Variants in SMG1 observed in about 807,000 individuals in gnomAD.
SMG1 encodes serine/threonine-protein kinase SMG1.
A neutral mutation model predicts 419.9 loss-of-function variants in SMG1; 22 were observed. The observed-to-expected ratio is 0.05, with a 90% CI of 0.04 to 0.07. SMG1 has a LOEUF of 0.07. SMG1 is among the 10% of genes least tolerant of loss of function. SMG1 has a pLI of 1.00. For missense variants in SMG1, 3,185 were observed against 4,342.0 expected (o/e 0.73, Z 7.49); for synonymous variants, 1,538 against 1,553.5 (o/e 0.99, Z 0.23).
intron 32 of SMG1, 36 bp from the exon 33 acceptor site, chr16:18,852,241 C>T: frequency 6.2e-7 from 1 of 1,606,888 alleles, no homozygotes; most frequent in South Asian, 1.1e-5. Context: ...ATTTCAGCTA[C>T]CCAAACTTTA....
chr16:18,919,789 T>A (rs1024579748), intron 1 of SMG1, among the ~76,000 whole-genome samples: 4 of 151,112 alleles, frequency 2.6e-5, no homozygotes, highest in Non-Finnish European at 5.9e-5. Context: ...TACTAATTTG[T>A]AAAGGAATCA....
intron 1 of SMG1, among the ~76,000 whole-genome samples, chr16:18,916,164 CA>C (rs1242166047): frequency 7.1e-6 from 1 of 141,654 alleles, no homozygotes; most frequent in Non-Finnish European, 1.5e-5. Context: ...CAATAGAATT[CA>C]AAAGAGAATT....
intron 42 of SMG1, among the ~76,000 whole-genome samples, chr16:18,839,290 C>CAGGTAATG (rs2033771216): frequency 1.3e-5 from 2 of 152,034 alleles, no homozygotes; most frequent in South Asian, 4.1e-4. Context: ...TTCTGTCACC[C>CAGGTAATG]AGGTAATGAA....
At position 18,809,749 on chromosome 16, in the gene SMG1, G is replaced by A. The variant is rs149981151; in HGVS notation, c.10909-103C>T. 1.2e-5 allele frequency: 10 copies of A among 806,510 alleles called. 1 individual carries two copies. Among genetic ancestry groups the A allele is most frequent in the Non-Finnish European group, 2.1e-5 (10 of 479,752 alleles). 50.0% of individuals were successfully genotyped at this position (806,510 alleles called of 1,614,324 possible). ...ATTATGCCAAAAGTTAAGTGCAAAGGACTCTATACTTACCCTGCTCCTGTA... is the reference window on the plus strand; with the variant it reads ...ATTATGCCAAAAGTTAAGTGCAAAGAACTCTATACTTACCCTGCTCCTGTA... On this transcript the variant is annotated intron_variant, in intron 62 of 62. Transcript: ENST00000446231.
chr16:18,876,133 T>G lies in SMG1; in HGVS notation c.1881A>C (p.Ser627=). ...ALTTIGNAKN[S]LIGMWALSPT... ...ACAATTAAAGACTCACCCCTATTAG[T>G]GAGTTTTTGGCATTTCCAATTGTAG... Residue 627 remains serine (S), a synonymous_variant, in exon 13 of 63, where the codon TCA becomes TCC. Coordinates refer to ENST00000446231, the MANE Select transcript of SMG1 (RefSeq NM_015092.5). 1 of 1,611,770 alleles carries G rather than the reference T, an allele frequency of 6.2e-7. No homozygotes were observed. Among genetic ancestry groups the G allele is most frequent in the Non-Finnish European group, 8.5e-7 (1 of 1,179,682 alleles).
intron 3 of SMG1, among the ~76,000 whole-genome samples, chr16:18,893,862 C>T (rs1371831084): frequency 6.6e-6 from 1 of 151,922 alleles, no homozygotes; most frequent in Non-Finnish European, 1.5e-5. Flanking sequence ...TTAAGACCTG[C>T]CTGGCCAACG....
rs2034212618 is a variant in SMG1, at chr16:18,845,579, A to G, written c.6069T>C (p.His2023=). The G allele has an allele frequency of 1.9e-6, 3 of 1,613,698 alleles. No homozygotes were observed. Among genetic ancestry groups the G allele is most frequent in the African/African-American group, 2.7e-5 (2 of 74,912 alleles). Residue 2023 remains histidine, a synonymous_variant, in exon 39 of 63, where the codon CAT becomes CAC. Coordinates refer to ENST00000446231, the MANE Select transcript of SMG1 (RefSeq NM_015092.5). ...CAGGAGCCGCTGTGATACTCCTCACATGCTCCAAAGCAAATACGATGGGCT... is the reference window on the plus strand; with the variant it reads ...CAGGAGCCGCTGTGATACTCCTCACGTGCTCCAAAGCAAATACGATGGGCT... The part of the protein sequence containing the change: ...LMKPIVFALE[H]VRSITAAPAE...
intron 60 of SMG1, among the ~76,000 whole-genome samples, chr16:18,814,875 GCCT>G (rs2031849051): frequency 8.2e-6 from 1 of 121,588 alleles, no homozygotes; most frequent in South Asian, 2.7e-4. Flanking sequence ...ACCTCGCCCG[GCCT>G]TTTTTTTTTT....
chr16:18,892,413 A>C, intron 3 of SMG1, 59 bp from the exon 4 acceptor site: 1 of 1,334,208 alleles, frequency 7.5e-7, no homozygotes, highest in Non-Finnish European at 1.0e-6. Context: ...GATATTTTTA[A>C]ATTTTTCAAA....
Position 18,849,093 on chromosome 16 carries a change from A to G in SMG1, c.5623+124T>C. The G allele has an allele frequency of 8.6e-6, 2 of 231,660 alleles. 1 individual carries two copies. 14.4% of individuals were successfully genotyped at this position (231,660 alleles called of 1,614,324 possible). Reference sequence around the variant, plus strand: ...TCAAAAAAAAAAAAAAAAAAAAAAAAAAAAAAAAAAAAACCCTACAAACTC... The same window carrying G: ...TCAAAAAAAAAAAAAAAAAAAAAAAGAAAAAAAAAAAAACCCTACAAACTC... On this transcript the variant is annotated intron_variant, in intron 36 of 62. Coordinates refer to ENST00000446231, the MANE Select transcript of SMG1 (RefSeq NM_015092.5).
intron 51 of SMG1, 25 bp downstream of exon 51, chr16:18,832,915 A>G: frequency 1.3e-6 from 2 of 1,590,520 alleles, no homozygotes; most frequent in Non-Finnish European, 1.7e-6. Context: ...TTTACAAGGA[A>G]ACGGCACAGC....
In SMG1 at chr16:18,860,743, A is replaced by T; in HGVS notation, c.3729T>A (p.Val1243=). The T allele has an allele frequency of 1.3e-6, 2 of 1,546,538 alleles. No individual in the cohort carries two copies. The highest frequency in any genetic ancestry group is 1.8e-6 in the Non-Finnish European group (2 of 1,139,844). ...SLSSFESGKF[V]ECTEQLELLP... ...ACAATTCTAACTGCTCGGTACATTC[A>T]ACAAATTTTCCAGACTCAAAGCTGC... The change falls in exon 26 of 63, where the codon GTT becomes GTA. Residue 1243 remains valine, a synonymous_variant. Transcript: ENST00000446231.
intron 1 of SMG1, among the ~76,000 whole-genome samples, chr16:18,904,983 C>T (rs913250676): frequency 2.0e-5 from 3 of 151,622 alleles, no homozygotes; most frequent in Admixed American, 1.3e-4. Context: ...AAAATAAGGC[C>T]GGGCACGGTG....
chr16:18,839,644 G>A, intron 42 of SMG1, 54 bp downstream of exon 42: 2 of 1,598,782 alleles, frequency 1.3e-6, no homozygotes, highest in Admixed American at 3.4e-5. Context: ...AGGCAAGAAG[G>A]TAGCAGGCAA....
intron 8 of SMG1, among the ~76,000 whole-genome samples, chr16:18,884,417 G>A (rs1204400321): frequency 6.6e-6 from 1 of 151,862 alleles, no homozygotes; most frequent in African/African-American, 2.4e-5. Context: ...TACTTTTTCA[G>A]TAAATTTCAT....
intron 7 of SMG1, 140 bp downstream of exon 7, chr16:18,885,401 G>A (rs1047626167): frequency 9.3e-7 from 1 of 1,070,128 alleles, no homozygotes. Context: ...GAAAAATGCG[G>A]TATTTAACCC....
chr16:18,842,079 G>A (rs900979635), intron 40 of SMG1, 129 bp downstream of exon 40: 8 of 1,016,422 alleles, frequency 7.9e-6, no homozygotes, highest in Non-Finnish European at 1.1e-5. Flanking sequence ...AAGATATAGG[G>A]CACTGCAGGC....
At chr16:18,870,776 A>G in intron 17 of SMG1, 25 bp downstream of exon 17, 1 of 1,526,452 alleles carries the variant, frequency 6.6e-7, no homozygotes, top group East Asian at 2.3e-5. Flanking sequence ...GGTTAATGTC[A>G]AAAGACATGA....
chr16:18,855,205 AG>A (rs920469851), intron 29 of SMG1, among the ~76,000 whole-genome samples: 70 of 152,052 alleles, frequency 4.6e-4, no homozygotes, highest in African/African-American at 1.6e-3. Context: ...GAAGCAGGGA[AG>A]GCTAAACCAT....
Sources: allele counts gnomAD v4.1 joint callset (sites outside exome capture counted in the v4.1 genomes callset), GRCh38; gene constraint gnomAD v4.1.1; transcripts MANE v1.5; gene names NCBI Gene and HGNC (gene_info 2026-07-23, HGNC 2026-07-21).